MACROD2: variants seen among roughly 807,000 people sequenced by gnomAD.
MACROD2 encodes the protein ADP-ribose glycohydrolase MACROD2.
Under a neutral mutation model 70.4 loss-of-function variants are expected in MACROD2, and 36 were observed. The observed-to-expected ratio is 0.51, with a 90% CI of 0.39 to 0.68. The LOEUF (loss-of-function observed/expected upper bound fraction) is 0.68, where lower values mean the gene tolerates loss of function less well. Ranked by LOEUF, MACROD2 falls within the 30% of genes least tolerant of loss-of-function variation. The pLI, the probability that MACROD2 is intolerant of heterozygous loss-of-function variation, is 0.00. For missense variants in MACROD2, 496 were observed against 538.4 expected (o/e 0.92, Z 0.78); for synonymous variants, 172 against 178.8 (o/e 0.96, Z 0.30).
chr20:14,236,880 T>G (rs1279929606), intron 3 of MACROD2, among the ~76,000 whole-genome samples: 5 of 152,178 alleles, frequency 3.3e-5, no homozygotes, highest in African/African-American at 7.2e-5. Context: ...AATCAGTGTT[T>G]ATTATAAATT....
At chr20:15,898,080 T>C (rs1396857480) in intron 10 of MACROD2, among the ~76,000 whole-genome samples, 5 of 152,228 alleles carry the variant, frequency 3.3e-5, no homozygotes, top group African/African-American at 1.2e-4. Flanking sequence ...ATGTATAAGA[T>C]GAGGAAATCT....
chr20:14,704,869 C>T (rs1054043150), intron 5 of MACROD2, among the ~76,000 whole-genome samples: 5 of 152,078 alleles, frequency 3.3e-5, no homozygotes, highest in Non-Finnish European at 7.4e-5. Flanking sequence ...AAAATCAAGG[C>T]CTGGCAGGGG....
intron 8 of MACROD2, among the ~76,000 whole-genome samples, chr20:15,645,219 C>T (rs61304348): frequency 0.069 from 10,459 of 152,156 alleles, 1,134 homozygotes; most frequent in African/African-American, 0.23. Context: ...CTCCTCCTAG[C>T]GTGAAATTAC....
intron 5 of MACROD2, among the ~76,000 whole-genome samples, chr20:15,185,746 C>T (rs903389186): frequency 6.6e-6 from 1 of 152,130 alleles, no homozygotes; most frequent in Non-Finnish European, 1.5e-5. Context: ...AACTATGAAC[C>T]AGAGGCCATC....
At chr20:14,494,427 A>T (rs1292940750) in intron 4 of MACROD2, among the ~76,000 whole-genome samples, 1 of 152,096 alleles carries the variant, frequency 6.6e-6, no homozygotes, top group Non-Finnish European at 1.5e-5. Context: ...GTTGATTTTT[A>T]AAAAACAGAA....
intron 5 of MACROD2, among the ~76,000 whole-genome samples, chr20:14,961,623 G>T (rs2074584172): frequency 6.6e-6 from 1 of 151,868 alleles, no homozygotes; most frequent in South Asian, 2.1e-4. Flanking sequence ...GACCTCCTGG[G>T]CTCAAACGAT....
At chr20:14,520,128 T>C (rs942329032) in intron 4 of MACROD2, among the ~76,000 whole-genome samples, 4 of 152,180 alleles carry the variant, frequency 2.6e-5, no homozygotes, top group African/African-American at 9.6e-5. Context: ...GCTTGGTACC[T>C]GGGTGGCTAA....
At chr20:14,332,515 T>A (rs965788230) in intron 3 of MACROD2, among the ~76,000 whole-genome samples, 10 of 152,158 alleles carry the variant, frequency 6.6e-5, no homozygotes, top group African/African-American at 2.2e-4. Context: ...ACTTCTTATT[T>A]AATGCCTTAG....
At chr20:15,447,144 C>G (rs1355391408) in intron 7 of MACROD2, among the ~76,000 whole-genome samples, 1 of 151,446 alleles carries the variant, frequency 6.6e-6, no homozygotes, top group East Asian at 1.9e-4. Context: ...GGCCTCACTC[C>G]CAACTACCTG....
chr20:14,963,533 C>T (rs76944275), intron 5 of MACROD2, among the ~76,000 whole-genome samples: 18,344 of 152,142 alleles, frequency 0.12, 1,393 homozygotes, highest in East Asian at 0.33. Flanking sequence ...AAAAATGCCA[C>T]TTGTGTTGTG....
intron 6 of MACROD2, among the ~76,000 whole-genome samples, chr20:15,239,666 A>G (rs1200872798): frequency 6.6e-6 from 1 of 152,188 alleles, no homozygotes; most frequent in Non-Finnish European, 1.5e-5. Flanking sequence ...GTATACTAGC[A>G]GGTAAGCTAT....
intron 6 of MACROD2, among the ~76,000 whole-genome samples, chr20:15,298,860 A>G (rs752091636): frequency 2.6e-5 from 4 of 152,054 alleles, no homozygotes; most frequent in Admixed American, 6.6e-5. Flanking sequence ...CAATCTCTCA[A>G]TGTATTATTA....
chr20:15,773,006 A>G (rs2051663047), intron 8 of MACROD2, among the ~76,000 whole-genome samples: 1 of 152,110 alleles, frequency 6.6e-6, no homozygotes, highest in Non-Finnish European at 1.5e-5. Flanking sequence ...GGGGATACAG[A>G]GACAGACCAT....
In MACROD2 at chr20:14,245,152, C is replaced by T. The variant is rs112572582; in HGVS notation, c.271+159424C>T. Among the ~76,000 whole-genome samples the T allele has an allele frequency of 3.2e-3, 493 of 152,142 alleles. 6 individuals carry two copies. The highest frequency in any genetic ancestry group is 0.011 in the African/African-American group (471 of 41,500). Reference sequence around the variant, plus strand: ...GGCTGAGGTGGGCAGATCATGAGGTCAGGAGATCGAGACCATCCTGGCTAA... The same window carrying T: ...GGCTGAGGTGGGCAGATCATGAGGTTAGGAGATCGAGACCATCCTGGCTAA... On this transcript the variant is annotated intron_variant, in intron 3 of 17. Coordinates refer to ENST00000684519, the MANE Select transcript of MACROD2 (RefSeq NM_001351661.2).
intron 6 of MACROD2, among the ~76,000 whole-genome samples, chr20:15,326,548 A>G (rs915696045): frequency 3.3e-5 from 5 of 152,156 alleles, no homozygotes; most frequent in African/African-American, 7.2e-5. Flanking sequence ...TAAATTCCCT[A>G]TAACCATTTT....
intron 8 of MACROD2, among the ~76,000 whole-genome samples, chr20:15,577,695 A>G (rs2048468468): frequency 6.6e-6 from 1 of 152,152 alleles, no homozygotes; most frequent in Non-Finnish European, 1.5e-5. Context: ...ATTTCCTGCC[A>G]TAGATAAACA....
chr20:15,475,905 T>C (rs1280975298), intron 7 of MACROD2, among the ~76,000 whole-genome samples: 1 of 152,192 alleles, frequency 6.6e-6, no homozygotes, highest in Non-Finnish European at 1.5e-5. Context: ...TCAAACCCTC[T>C]AAAATCATTT....
intron 5 of MACROD2, among the ~76,000 whole-genome samples, chr20:15,088,433 AT>A (rs2075767875): frequency 5.2e-4 from 18 of 34,606 alleles, no homozygotes; most frequent in Non-Finnish European, 1.2e-3. Context: ...ATATATATAT[AT>A]ATATATATAT....
At chr20:15,954,755 G>A (rs1277369929) in intron 12 of MACROD2, among the ~76,000 whole-genome samples, 1 of 152,176 alleles carries the variant, frequency 6.6e-6, no homozygotes. Context: ...AGATATACAA[G>A]CATGTGCTAC....
Sources: allele counts gnomAD v4.1 joint callset (sites outside exome capture counted in the v4.1 genomes callset), GRCh38; gene constraint gnomAD v4.1.1; transcripts MANE v1.5; gene names NCBI Gene and HGNC (gene_info 2026-07-23, HGNC 2026-07-21).